NALCN: variants seen among roughly 807,000 people sequenced by gnomAD.
The protein encoded by NALCN is sodium leak channel, non-selective, also known as sodium leak channel NALCN.
NALCN carries 111 observed loss-of-function variants against 225.3 expected under a neutral mutation model. The ratio of observed to expected loss-of-function variants is 0.49; its 90% confidence interval spans 0.42 to 0.58. The LOEUF (loss-of-function observed/expected upper bound fraction) is 0.58, where lower values mean the gene tolerates loss of function less well. Ranked by LOEUF, NALCN falls within the 20% of genes least tolerant of loss-of-function variation. NALCN has a pLI of 0.00. For synonymous variants in NALCN, 764 were observed against 769.0 expected (o/e 0.99, Z 0.11); for missense variants, 1,378 against 2,202.4 (o/e 0.63, Z 7.49).
intron 7 of NALCN, among the ~76,000 whole-genome samples, chr13:101,311,499 T>C (rs1217658600): frequency 2.7e-5 from 4 of 150,212 alleles, no homozygotes; most frequent in African/African-American, 9.9e-5. Context: ...TGTGGGTTTG[T>C]CATAGATAGC....
At chr13:101,200,936 C>T (rs541864974) in intron 13 of NALCN, among the ~76,000 whole-genome samples, 13 of 152,220 alleles carry the variant, frequency 8.5e-5, no homozygotes, top group South Asian at 2.1e-4. Flanking sequence ...TAAGTTCAAA[C>T]ATAGTCAAAT....
chr13:101,383,735 G>C (rs772644380), intron 3 of NALCN, among the ~76,000 whole-genome samples: 12 of 152,108 alleles, frequency 7.9e-5, no homozygotes, highest in Non-Finnish European at 1.2e-4. Context: ...TGGCTCCTTT[G>C]TAACCATGAA....
intron 7 of NALCN, among the ~76,000 whole-genome samples, chr13:101,329,263 A>G (rs74710331): frequency 0.11 from 16,219 of 152,236 alleles, 1,190 homozygotes; most frequent in African/African-American, 0.2. Flanking sequence ...ATATTTAGGT[A>G]ATTCTGAATT....
chr13:101,376,658 G>T, intron 6 of NALCN, 42 bp downstream of exon 6: 1 of 1,555,252 alleles, frequency 6.4e-7, no homozygotes, highest in Non-Finnish European at 8.6e-7. Flanking sequence ...AGATATCTTT[G>T]TTAATCAACT....
At chr13:101,220,121 C>G (rs61974032) in intron 13 of NALCN, among the ~76,000 whole-genome samples, 11,203 of 152,254 alleles carry the variant, frequency 0.074, 541 homozygotes, top group Non-Finnish European at 0.11. Flanking sequence ...GGGAGGCAGC[C>G]TCCAAGACGG....
At chr13:101,376,472 G>A (rs2046693123) in intron 6 of NALCN, among the ~76,000 whole-genome samples, 1 of 151,792 alleles carries the variant, frequency 6.6e-6, no homozygotes, top group African/African-American at 2.4e-5. Context: ...AACCGAGATC[G>A]CGCCACTGCA....
rs2042317022 is a variant in NALCN at position 101,258,577 on chromosome 13, G to A, written c.1135-3C>T. 1 of 1,614,032 alleles carries A rather than the reference G, an allele frequency of 6.2e-7. No homozygotes were observed. Among genetic ancestry groups the A allele is most frequent in the Admixed American group, 1.7e-5 (1 of 59,996 alleles). On this transcript the variant is annotated splice_region_variant and splice_polypyrimidine_tract_variant and intron_variant, in intron 10 of 43. Coordinates refer to ENST00000251127, the MANE Select transcript of NALCN (RefSeq NM_052867.4). Reference sequence around the variant, plus strand: ...AAAACGGATGACCGCATCATTTTCTGAGGGGGCGAAACAGACAGACTCTTA... The same window carrying A: ...AAAACGGATGACCGCATCATTTTCTAAGGGGGCGAAACAGACAGACTCTTA...
intron 2 of NALCN, among the ~76,000 whole-genome samples, chr13:101,396,079 A>G (rs771934038): frequency 6.6e-6 from 1 of 152,190 alleles, no homozygotes; most frequent in Non-Finnish European, 1.5e-5. Flanking sequence ...TAGCCCAGAC[A>G]TCTTTCAAAA....
rs115884517 is a variant in NALCN at position 101,276,327 on chromosome 13, A to G, written c.1134+7606T>C. 6.8e-3 allele frequency among the ~76,000 whole-genome samples: 1,035 copies of G among 152,268 alleles called. 13 individuals carry two copies. Among genetic ancestry groups the G allele is most frequent in the African/African-American group, 0.024 (997 of 41,530 alleles). ...ATTAAGCATGGTATAAATTTCATTA[A>G]TAACTGGATAAACATGAGAAATGTC... On this transcript the variant is annotated intron_variant, in intron 10 of 43. Coordinates refer to ENST00000251127, the MANE Select transcript of NALCN (RefSeq NM_052867.4).
At chr13:101,160,665 TG>T (rs1163080310) in intron 15 of NALCN, among the ~76,000 whole-genome samples, 2 of 152,176 alleles carry the variant, frequency 1.3e-5, no homozygotes, top group South Asian at 2.1e-4. Flanking sequence ...GTTTTGTTTT[TG>T]TTTTTTTTTA....
chr13:101,332,760 C>T (rs532101412), intron 7 of NALCN, among the ~76,000 whole-genome samples: 3 of 152,204 alleles, frequency 2.0e-5, no homozygotes, highest in East Asian at 1.9e-4. Flanking sequence ...AGACAAGTTA[C>T]GTAAATGTGA....
chr13:101,410,917 T>C (rs2047762243), intron 1 of NALCN, among the ~76,000 whole-genome samples: 1 of 152,238 alleles, frequency 6.6e-6, no homozygotes, highest in African/African-American at 2.4e-5. Flanking sequence ...GTAGCATTAG[T>C]TTTTGTGGAT....
At chr13:101,097,005 TCCCAGCAGAAG>T (rs2034545275) in intron 27 of NALCN, among the ~76,000 whole-genome samples, 1 of 149,438 alleles carries the variant, frequency 6.7e-6, no homozygotes. Context: ...TGGACCAGCA[TCCCAGCAGAAG>T]CCCAGCATCA....
Position 101,292,963 on chromosome 13 carries a change from T to G in NALCN, c.800-597A>C, listed in dbSNP as rs2043606871. Among the ~76,000 whole-genome samples, 1 of 152,206 alleles carries G rather than the reference T, an allele frequency of 6.6e-6. No homozygotes were observed. Reference sequence around the variant, plus strand: ...GGAGAATTACCTCATAGAAAGTACTTCTAGTAATGGAAAGAAAGGAAAGCT... The same window carrying G: ...GGAGAATTACCTCATAGAAAGTACTGCTAGTAATGGAAAGAAAGGAAAGCT... On this transcript the variant is annotated intron_variant, in intron 7 of 43. Transcript: ENST00000251127. This position sits in a 1 kb window ranked among gnomAD's most constrained non-coding sequence, Gnocchi z 4.3.
At chr13:101,401,705 C>T (rs533255018) in intron 1 of NALCN, among the ~76,000 whole-genome samples, 73 of 152,272 alleles carry the variant, frequency 4.8e-4, no homozygotes, top group African/African-American at 1.7e-3. Context: ...AACTGAATGA[C>T]ATTAGCTGTC....
intron 3 of NALCN, among the ~76,000 whole-genome samples, chr13:101,379,055 C>T (rs1024237617): frequency 6.6e-6 from 1 of 151,798 alleles, no homozygotes; most frequent in African/African-American, 2.4e-5. Context: ...GGTTTAGCAC[C>T]GTTAGTAGGA....
intron 14 of NALCN, among the ~76,000 whole-genome samples, chr13:101,184,498 G>C (rs899388195): frequency 5.9e-5 from 9 of 152,008 alleles, no homozygotes; most frequent in African/African-American, 2.2e-4. Flanking sequence ...CTCTGTTTAA[G>C]TTTTATACAT....
intron 1 of NALCN, among the ~76,000 whole-genome samples, chr13:101,414,968 C>G (rs1054355117): frequency 6.8e-6 from 1 of 147,364 alleles, no homozygotes; most frequent in Non-Finnish European, 1.5e-5. Flanking sequence ...TACAGAAGAA[C>G]GAAAAATCGA....
chr13:101,300,277 C>T (rs143734289), intron 7 of NALCN, among the ~76,000 whole-genome samples: 30 of 152,148 alleles, frequency 2.0e-4, no homozygotes, highest in African/African-American at 7.0e-4. Flanking sequence ...TGTTTTCTCC[C>T]TCCGATCCTC....
Sources: gnomAD v4.1 joint callset for allele counts (sites outside exome capture counted in the v4.1 genomes callset) on GRCh38, gnomAD v4.1.1 for gene constraint, Gnocchi (gnomAD v3.1) non-coding constraint, MANE v1.5 for transcripts, NCBI Gene and HGNC (gene_info 2026-07-23, HGNC 2026-07-21) for gene names.